Variants in RAP1GAP observed in about 807,000 individuals in gnomAD.
The protein encoded by RAP1GAP is RAP1 GTPase activating protein.
In RAP1GAP, 35 loss-of-function variants were observed where a neutral mutation model predicts 87.2. The observed-to-expected ratio is 0.40, with a 90% CI of 0.31 to 0.53. RAP1GAP has a LOEUF of 0.53. Among genes scored for constraint, RAP1GAP ranks in the 20% least tolerant of loss-of-function variants. The pLI is 0.48. For missense variants in RAP1GAP, 734 were observed against 898.9 expected (o/e 0.82, Z 2.35); for synonymous variants, 375 against 363.9 (o/e 1.03, Z -0.35).
intron 2 of RAP1GAP, among the ~76,000 whole-genome samples, chr1:21,645,008 A>C (rs1472130681): frequency 1.3e-5 from 2 of 151,956 alleles, no homozygotes. Flanking sequence ...CGCCATTCCC[A>C]ATTTTACAGT....
intron 1 of RAP1GAP, among the ~76,000 whole-genome samples, chr1:21,656,558 A>G: frequency 6.6e-6 from 1 of 152,090 alleles, no homozygotes; most frequent in Non-Finnish European, 1.5e-5. Flanking sequence ...AGCCACACCA[A>G]CCCAATCCCA....
In RAP1GAP at chr1:21,603,299, G is replaced by A. The variant is rs115870871; in HGVS notation, c.1429-386C>T. 6.3e-3 allele frequency: 2,418 copies of A among 381,786 alleles called. 61 individuals carry two copies. Among genetic ancestry groups the A allele is most frequent in the African/African-American group, 0.045 (2,172 of 48,704 alleles). The allele number at this position is 381,786 out of a possible 1,614,324, so 23.6% of individuals were successfully genotyped here. A position where few individuals can be genotyped will look rare whatever the true frequency, so the allele number is the denominator to read the frequency against. ...AGTGTAGCAACCCAAGTCCCACCCC[G>A]TGCCAGCTAGGGCCCCTCCCCGGAA... is the stretch of plus-strand genomic sequence containing the variant. On this transcript the variant is annotated intron_variant, in intron 18 of 24. Transcript: ENST00000374765. The surrounding 1 kb of genome is among the most constrained non-coding windows in gnomAD (Gnocchi z 6.0).
At chr1:21,607,379 TACTCAACAGATAAAGAA>T (rs1467886607) in intron 17 of RAP1GAP, among the ~76,000 whole-genome samples, 1 of 152,208 alleles carries the variant, frequency 6.6e-6, no homozygotes, top group Non-Finnish European at 1.5e-5. Flanking sequence ...GCCATTACCC[TACTCAACAGATAAAGAA>T]ACTGATGCTC....
In RAP1GAP at chr1:21,603,981, G is replaced by C; in HGVS notation, c.1429-1068C>G. 8.2e-7 allele frequency: 1 copy of C among 1,216,948 alleles called. No homozygotes were observed. The highest frequency in any genetic ancestry group is 1.1e-6 in the Non-Finnish European group (1 of 876,602). 75.4% of individuals were successfully genotyped at this position (1,216,948 alleles called of 1,614,324 possible). ...AGAGAGTCAGAGAGCAAGAGAGATG[G>C]TGGGAGGGAGACACAGAGAGGAGGA... On this transcript the variant is annotated intron_variant, in intron 18 of 24. Transcript: ENST00000374765. This position sits in a 1 kb window ranked among gnomAD's most constrained non-coding sequence, Gnocchi z 6.0.
chr1:21,597,857 C>A, intron 23 of RAP1GAP, 104 bp downstream of exon 23: 1 of 1,499,426 alleles, frequency 6.7e-7, no homozygotes. Context: ...CCTAGCGGGG[C>A]CTAGGGGGAC....
In RAP1GAP at chr1:21,602,857, G is replaced by A; in HGVS notation, c.1485C>T (p.Ser495=). 6.2e-7 allele frequency: 1 copy of A among 1,609,944 alleles called. No homozygotes were observed. The highest frequency in any genetic ancestry group is 8.5e-7 in the Non-Finnish European group (1 of 1,179,678). ...PTRKKSGPFG[S]RRSSAIGIEN... is the part of the protein sequence containing the mutation. ...CGATGCCAATGGCGCTGCTGCGGCG[G>A]GAGCCGAACGGGCCCGACTTCTTCC... is the stretch of plus-strand genomic sequence containing the variant. The change falls in exon 19 of 25, where the codon TCC becomes TCT. Residue 495 remains serine, a synonymous_variant. Transcript: ENST00000374765.
Position 21,615,683 on chromosome 1 carries a change from C to T in RAP1GAP, c.292-1594G>A, listed in dbSNP as rs922787124. The stretch of plus-strand genomic sequence containing the variant: ...CTGGGATTACAGGTATAAGCCAGGG[C>T]GCCCAGCTGCCTCTTCTGACCCTCC... On this transcript the variant is annotated intron_variant, in intron 7 of 24. Coordinates refer to ENST00000374765, the MANE Select transcript of RAP1GAP (RefSeq NM_002885.4). This position sits in a 1 kb window ranked among gnomAD's most constrained non-coding sequence, Gnocchi z 4.5. Among the ~76,000 whole-genome samples, 2 of 152,186 alleles carry T rather than the reference C, an allele frequency of 1.3e-5. No homozygotes were observed. The highest frequency in any genetic ancestry group is 1.9e-4 in the East Asian group (1 of 5,196).
chr1:21,654,867 A>G (rs1184915496), intron 1 of RAP1GAP, among the ~76,000 whole-genome samples: 6 of 151,976 alleles, frequency 3.9e-5, no homozygotes, highest in African/African-American at 1.5e-4. Context: ...AAGGCTAGGC[A>G]CGGTGGCTCA....
At chr1:21,601,983 C>T (rs1436409374) in intron 19 of RAP1GAP, among the ~76,000 whole-genome samples, 186 bp from the exon 20 acceptor site, 1 of 152,220 alleles carries the variant, frequency 6.6e-6, no homozygotes, top group Non-Finnish European at 1.5e-5. Context: ...GGGGTTGGCA[C>T]TGATGGGGCT....
intron 13 of RAP1GAP, among the ~76,000 whole-genome samples, chr1:21,610,863 C>T (rs2077775241): frequency 6.6e-6 from 1 of 152,194 alleles, no homozygotes; most frequent in South Asian, 2.1e-4. Flanking sequence ...ATAGCTATTT[C>T]CATTTTTCTC....
chr1:21,625,040 C>T (rs1227277312), intron 3 of RAP1GAP, among the ~76,000 whole-genome samples: 1 of 152,184 alleles, frequency 6.6e-6, no homozygotes, highest in Non-Finnish European at 1.5e-5. Context: ...TGCCAAGCCC[C>T]GGATCCACAT....
chr1:21,651,020 C>T (rs1160133202), intron 1 of RAP1GAP, among the ~76,000 whole-genome samples: 1 of 152,168 alleles, frequency 6.6e-6, no homozygotes, highest in Admixed American at 6.5e-5. Flanking sequence ...GTCATGGAGC[C>T]GCTTGTCTGG....
At chr1:21,653,472 A>G (rs989118885) in intron 1 of RAP1GAP, among the ~76,000 whole-genome samples, 11 of 151,314 alleles carry the variant, frequency 7.3e-5, no homozygotes, top group Non-Finnish European at 1.0e-4. Flanking sequence ...TCCTGGGGGG[A>G]GGAATCACAC....
chr1:21,661,807 G>C (rs1255795704), intron 1 of RAP1GAP, among the ~76,000 whole-genome samples: 1 of 152,212 alleles, frequency 6.6e-6, no homozygotes, highest in African/African-American at 2.4e-5. Flanking sequence ...GCCACCAATG[G>C]CTCACAATGT....
At chr1:21,630,140 G>A (rs2093424108) in intron 2 of RAP1GAP, among the ~76,000 whole-genome samples, 1 of 152,100 alleles carries the variant, frequency 6.6e-6, no homozygotes, top group Non-Finnish European at 1.5e-5. Flanking sequence ...CTTGTCCAAG[G>A]TCACACACAG....
intron 16 of RAP1GAP, 39 bp downstream of exon 16, chr1:21,608,811 T>A: frequency 6.4e-7 from 1 of 1,569,312 alleles, no homozygotes; most frequent in Non-Finnish European, 8.8e-7. Context: ...GGTTGGAAGG[T>A]GAGAAGAGGG....
chr1:21,613,910 G>T lies in RAP1GAP; in HGVS notation c.395+76C>A. Reference sequence around the variant, plus strand: ...TCTATGGGCCTTGATGAAGAGAGTGGGTCAAATGAGATGGGCTCTGAGATT... The same window carrying T: ...TCTATGGGCCTTGATGAAGAGAGTGTGTCAAATGAGATGGGCTCTGAGATT... On this transcript the variant is annotated intron_variant, in intron 8 of 24. Transcript: ENST00000374765. The surrounding 1 kb of genome is among the most constrained non-coding windows in gnomAD (Gnocchi z 4.7). The T allele has an allele frequency of 1.5e-6, 2 of 1,320,862 alleles. No homozygotes were observed. The highest frequency in any genetic ancestry group is 2.1e-6 in the Non-Finnish European group (2 of 942,254). The allele number at this position is 1,320,862 out of a possible 1,614,324, so 81.8% of individuals were successfully genotyped here.
intron 1 of RAP1GAP, among the ~76,000 whole-genome samples, chr1:21,658,618 A>C (rs962048722): frequency 6.6e-6 from 1 of 152,106 alleles, no homozygotes; most frequent in Non-Finnish European, 1.5e-5. Flanking sequence ...AAGGTGGTTC[A>C]CACCTGTAAT....
rs780608661 is a variant in RAP1GAP, at chr1:21,612,115, G to A, written c.529-6C>T. The stretch of plus-strand genomic sequence containing the variant: ...GTGACGATGAGCCGGGAAGCCTGCA[G>A]GAGAGGACGCCGGGTGAAGAGGCTG... On this transcript the variant is annotated splice_region_variant and splice_polypyrimidine_tract_variant and intron_variant, in intron 10 of 24. Coordinates refer to ENST00000374765, the MANE Select transcript of RAP1GAP (RefSeq NM_002885.4). 1.3e-6 allele frequency: 2 copies of A among 1,546,702 alleles called. No homozygotes were observed. The highest frequency in any genetic ancestry group is 1.4e-5 in the African/African-American group (1 of 72,964).
Sources: gnomAD v4.1 joint callset for allele counts (sites outside exome capture counted in the v4.1 genomes callset) on GRCh38, gnomAD v4.1.1 for gene constraint, Gnocchi (gnomAD v3.1) non-coding constraint, MANE v1.5 for transcripts, NCBI Gene and HGNC (gene_info 2026-07-23, HGNC 2026-07-21) for gene names.